The following GREM2 variants were observed in gnomAD, a reference collection of about 807,000 sequenced individuals.
GREM2 encodes gremlin-2.
In GREM2, 11 loss-of-function variants were observed where a neutral mutation model predicts 14.2. The ratio of observed to expected loss-of-function variants is 0.78; its 90% CI spans 0.49 to 1.28. The LOEUF (loss-of-function observed/expected upper bound fraction) is 1.28, where lower values mean the gene tolerates loss of function less well. GREM2 is among the 50% of genes most tolerant of loss of function. GREM2 has a pLI of 0.00. For missense variants in GREM2, 210 were observed against 218.5 expected (o/e 0.96, Z 0.24); for synonymous variants, 98 against 97.6 (o/e 1.00, Z -0.02).
chr1:240,547,034 G>C (rs1036988523), intron 1 of GREM2, among the ~76,000 whole-genome samples: 14 of 152,112 alleles, frequency 9.2e-5, no homozygotes, highest in African/African-American at 3.4e-4. Context: ...CCTAATAAGG[G>C]ATGTGGTGCC....
chr1:240,523,830 CCAAA>C (rs1197565924), intron 1 of GREM2, among the ~76,000 whole-genome samples: 6 of 152,162 alleles, frequency 3.9e-5, no homozygotes, highest in Non-Finnish European at 7.4e-5. Flanking sequence ...ATAGGCATTT[CCAAA>C]CAGTCTTCCT....
chr1:240,492,949 A>G lies in GREM2; in HGVS notation c.*20T>C. ...CAGCGGCCGGGCGCGCGCGGGGCTG[A>G]GCTGCGTCCGGCCCGGCGCTCACTG... On this transcript the variant is annotated 3_prime_UTR_variant, in exon 2 of 2. Coordinates refer to ENST00000318160, the MANE Select transcript of GREM2 (RefSeq NM_022469.4). 10 of 1,492,356 alleles carry G rather than the reference A, an allele frequency of 6.7e-6. No individual in the cohort carries two copies. The highest frequency in any genetic ancestry group is 1.4e-5 in the African/African-American group (1 of 71,020). The allele number at this position is 1,492,356 out of a possible 1,614,324, so 92.4% of individuals were successfully genotyped here.
At chr1:240,563,007 AGT>A (rs1171062669) in intron 1 of GREM2, among the ~76,000 whole-genome samples, 1 of 99,312 alleles carries the variant, frequency 1.0e-5, no homozygotes, top group Non-Finnish European at 2.1e-5. Context: ...TGTATATGTG[AGT>A]GTATGTGTGT....
In GREM2 at chr1:240,535,437, T is replaced by A. The variant is rs777493864; in HGVS notation, c.-1-41961A>T. 3.7e-4 allele frequency among the ~76,000 whole-genome samples: 56 copies of A among 152,218 alleles called. 1 individual carries two copies. Among genetic ancestry groups the A allele is most frequent in the Admixed American group, 2.6e-3 (40 of 15,288 alleles). ...AAGAAAGATAGTACAAAGGAGAGAT[T>A]GTGAAAAAAAATTTTAAAAAGCCAA... On this transcript the variant is annotated intron_variant, in intron 1 of 1. Coordinates refer to ENST00000318160, the MANE Select transcript of GREM2 (RefSeq NM_022469.4).
At chr1:240,522,877 G>A (rs928401604) in intron 1 of GREM2, among the ~76,000 whole-genome samples, 1 of 152,008 alleles carries the variant, frequency 6.6e-6, no homozygotes, top group African/African-American at 2.4e-5. Flanking sequence ...TAAATCACAA[G>A]CAAAATCAAA....
intron 1 of GREM2, among the ~76,000 whole-genome samples, chr1:240,597,320 T>C (rs1679838379): frequency 6.6e-6 from 1 of 152,218 alleles, no homozygotes. Flanking sequence ...TGTATGCCTG[T>C]CCTTGTAGTT....
chr1:240,610,487 A>T (rs560856222), intron 1 of GREM2, among the ~76,000 whole-genome samples: 10 of 152,326 alleles, frequency 6.6e-5, no homozygotes, highest in African/African-American at 2.4e-4. Context: ...CAGAAAGAAC[A>T]TGTTCATCTG....
intron 1 of GREM2, among the ~76,000 whole-genome samples, chr1:240,592,894 G>A (rs1375665704): frequency 6.6e-6 from 1 of 151,770 alleles, no homozygotes; most frequent in East Asian, 1.9e-4. Context: ...AGCAGGTTGG[G>A]AAGCCAAGGC....
intron 1 of GREM2, among the ~76,000 whole-genome samples, chr1:240,579,556 C>G (rs1679440803): frequency 6.6e-6 from 1 of 152,190 alleles, no homozygotes; most frequent in South Asian, 2.1e-4. Context: ...GTGCAATACG[C>G]TGTGATAGGA....
At chr1:240,522,399 T>C (rs1204153080) in intron 1 of GREM2, among the ~76,000 whole-genome samples, 1 of 152,052 alleles carries the variant, frequency 6.6e-6, no homozygotes, top group Non-Finnish European at 1.5e-5. Context: ...GGAACAGTGG[T>C]AATTAAGACA....
At chr1:240,596,492 T>G (rs1679820510) in intron 1 of GREM2, among the ~76,000 whole-genome samples, 1 of 151,850 alleles carries the variant, frequency 6.6e-6, no homozygotes, top group African/African-American at 2.4e-5. Flanking sequence ...AGATCAGGAG[T>G]TTGAGACCAG....
intron 1 of GREM2, among the ~76,000 whole-genome samples, chr1:240,604,379 G>A (rs1414823563): frequency 6.6e-6 from 1 of 151,676 alleles, no homozygotes; most frequent in Non-Finnish European, 1.5e-5. Flanking sequence ...CTGTTTATAA[G>A]GGACTAAATA....
At position 240,491,627 on chromosome 1, in the gene GREM2, T is replaced by A. The variant is rs1677250952; in HGVS notation, c.*1342A>T. The A allele has an allele frequency of 1.3e-5, 2 of 152,644 alleles. No homozygotes were observed. The highest frequency in any genetic ancestry group is 2.9e-5 in the Non-Finnish European group (2 of 68,038). The allele number at this position is 152,644 out of a possible 1,614,324, so 9.5% of individuals were successfully genotyped here. A position where few individuals can be genotyped will look rare whatever the true frequency, so the allele number is the denominator to read the frequency against. On this transcript the variant is annotated 3_prime_UTR_variant, in exon 2 of 2. Transcript: ENST00000318160. ...GGAAGCATGTTTTGTGCAGAACAGT[T>A]CAACTAGATTACTATTCTATATCTT...
chr1:240,492,947 T>G lies in GREM2; in HGVS notation c.*22A>C. On this transcript the variant is annotated 3_prime_UTR_variant, in exon 2 of 2. Coordinates refer to ENST00000318160, the MANE Select transcript of GREM2 (RefSeq NM_022469.4). ...CCCAGCGGCCGGGCGCGCGCGGGGCTGAGCTGCGTCCGGCCCGGCGCTCAC... is the reference window on the plus strand; with the variant it reads ...CCCAGCGGCCGGGCGCGCGCGGGGCGGAGCTGCGTCCGGCCCGGCGCTCAC... The G allele has an allele frequency of 6.7e-7, 1 of 1,488,058 alleles. No individual in the cohort carries two copies. Among genetic ancestry groups the G allele is most frequent in the Non-Finnish European group, 9.0e-7 (1 of 1,117,242 alleles). 92.2% of individuals were successfully genotyped at this position (1,488,058 alleles called of 1,614,324 possible). A position where few individuals can be genotyped will look rare whatever the true frequency, so the allele number is the denominator to read the frequency against.
intron 1 of GREM2, among the ~76,000 whole-genome samples, chr1:240,602,916 A>G (rs941373446): frequency 9.9e-5 from 15 of 152,032 alleles, no homozygotes; most frequent in African/African-American, 3.6e-4. Context: ...TACTAAAAAT[A>G]CAAAATACTA....
chr1:240,556,832 T>A (rs1029246964), intron 1 of GREM2, among the ~76,000 whole-genome samples: 9 of 152,294 alleles, frequency 5.9e-5, no homozygotes, highest in East Asian at 5.8e-4. Flanking sequence ...AATGCTTTTT[T>A]TAAAAGTAAG....
chr1:240,589,383 T>C (rs1679662481), intron 1 of GREM2, among the ~76,000 whole-genome samples: 2 of 149,410 alleles, frequency 1.3e-5, no homozygotes, highest in Admixed American at 6.7e-5. Context: ...TGTGTTGAGC[T>C]GAGATCGTGC....
intron 1 of GREM2, among the ~76,000 whole-genome samples, chr1:240,524,379 T>A (rs36052872): frequency 0.069 from 10,518 of 152,334 alleles, 419 homozygotes; most frequent in Middle Eastern, 0.14. Context: ...GTAATTTTTT[T>A]AAATCTAGTT....
intron 1 of GREM2, among the ~76,000 whole-genome samples, chr1:240,603,030 A>G (rs1369395055): frequency 6.6e-6 from 1 of 151,376 alleles, no homozygotes; most frequent in Non-Finnish European, 1.5e-5. Flanking sequence ...CTGAGATCGC[A>G]CCATTGCACT....
Sources: allele counts gnomAD v4.1 joint callset (sites outside exome capture counted in the v4.1 genomes callset), GRCh38; gene constraint gnomAD v4.1.1; transcripts MANE v1.5; gene names NCBI Gene and HGNC (gene_info 2026-07-23, HGNC 2026-07-21).